Variants in SYT14 observed in about 807,000 individuals in gnomAD.
SYT14 encodes synaptotagmin 14.
A neutral mutation model predicts 74.2 loss-of-function variants in SYT14; 32 were observed. The observed-to-expected ratio is 0.43, with a 90% CI of 0.33 to 0.58. The LOEUF is 0.58. Ranked by LOEUF, SYT14 falls within the 20% of genes least tolerant of loss-of-function variation. SYT14 has a pLI of 0.05. For missense variants in SYT14, 791 were observed against 981.8 expected (o/e 0.81, Z 2.60); for synonymous variants, 298 against 337.7 (o/e 0.88, Z 1.29).
intron 2 of SYT14, among the ~76,000 whole-genome samples, chr1:209,990,538 CGTATATATATGTATATATAT>C (rs1558114560): frequency 1.0e-4 from 4 of 40,072 alleles, no homozygotes; most frequent in Non-Finnish European, 1.8e-4. Context: ...TATATATATA[CGTATATATATGTATATATAT>C]ACGTATATAT....
rs1351759000 is a variant in SYT14 at position 209,938,272 on chromosome 1, T to C, written c.-539T>C. On this transcript the variant is annotated 5_prime_UTR_variant, in exon 1 of 10. Coordinates refer to ENST00000637265, the Ensembl canonical transcript of SYT14. ...GTCCATGGCGAGCGCATCATGGCGA[T>C]TGAAGGTAAGTGGAGGCTGACAGCG... 2.8e-5 allele frequency: 44 copies of C among 1,558,452 alleles called. No individual in the cohort carries two copies. Among genetic ancestry groups the C allele is most frequent in the Admixed American group, 1.4e-4 (8 of 55,934 alleles).
chr1:210,098,246 A>G (rs144653834), intron 6 of SYT14, among the ~76,000 whole-genome samples: 3 of 152,232 alleles, frequency 2.0e-5, no homozygotes, highest in African/African-American at 7.2e-5. Context: ...CTCCCGACCT[A>G]AAATAGGGGT....
At chr1:210,047,211 G>A (rs1190246732) in intron 5 of SYT14, among the ~76,000 whole-genome samples, 2 of 151,896 alleles carry the variant, frequency 1.3e-5, no homozygotes, top group Non-Finnish European at 2.9e-5. Flanking sequence ...GATAAAGGTG[G>A]CCTTATTCAT....
At chr1:210,097,105 C>G (rs1481133016) in intron 6 of SYT14, among the ~76,000 whole-genome samples, 1 of 152,188 alleles carries the variant, frequency 6.6e-6, no homozygotes, top group Non-Finnish European at 1.5e-5. Context: ...ATAGCAAATG[C>G]ACATTACAGA....
chr1:210,015,664 T>C (rs566651784), intron 3 of SYT14: 1 of 176,940 alleles, frequency 5.7e-6, no homozygotes, highest in African/African-American at 2.4e-5. Context: ...TAAAAATCCT[T>C]TTTATACTTC....
chr1:210,162,374 A>G, exon 10 of SYT14: 1 of 433,774 alleles, frequency 2.3e-6, no homozygotes, highest in Non-Finnish European at 4.6e-6. Context: ...TAAAAGTTGT[A>G]TAATGTGCTA....
chr1:210,031,251 G>A (rs846556), intron 5 of SYT14, among the ~76,000 whole-genome samples: 86,250 of 151,868 alleles, frequency 0.57, 26,577 homozygotes, highest in African/African-American at 0.81. Flanking sequence ...TTCATTTTCA[G>A]ATGTTGAACC....
At chr1:210,076,968 T>A (rs1398718949) in intron 5 of SYT14, among the ~76,000 whole-genome samples, 1 of 152,208 alleles carries the variant, frequency 6.6e-6, no homozygotes, top group Non-Finnish European at 1.5e-5. Flanking sequence ...TACTGGTTTC[T>A]TTCACTTAGC....
chr1:209,952,573 A>T, intron 1 of SYT14, 136 bp from the exon 2 acceptor site: 3 of 673,498 alleles, frequency 4.5e-6, no homozygotes, highest in Non-Finnish European at 7.8e-6. Context: ...ATATTCATTT[A>T]GTTAAGTATA....
At chr1:210,046,495 A>G (rs1416086599) in intron 5 of SYT14, among the ~76,000 whole-genome samples, 1 of 152,136 alleles carries the variant, frequency 6.6e-6, no homozygotes, top group Non-Finnish European at 1.5e-5. Context: ...TCCATTAGCC[A>G]TTCAGATCTG....
chr1:210,115,355 T>C (rs1572329444), intron 7 of SYT14, among the ~76,000 whole-genome samples: 1 of 147,572 alleles, frequency 6.8e-6, no homozygotes, highest in Admixed American at 6.7e-5. Flanking sequence ...GAGAGAAGGG[T>C]TGGGGGGTGC....
intron 2 of SYT14, among the ~76,000 whole-genome samples, chr1:209,979,521 T>G (rs2079441489): frequency 6.6e-6 from 1 of 152,058 alleles, no homozygotes; most frequent in South Asian, 2.1e-4. Context: ...TGTGCCATGG[T>G]GGCTTGCTGC....
chr1:210,009,153 C>A (rs1387591014), intron 2 of SYT14, among the ~76,000 whole-genome samples: 1 of 152,176 alleles, frequency 6.6e-6, no homozygotes, highest in Admixed American at 6.5e-5. Context: ...GTACAGTATT[C>A]ATATCTTTAG....
chr1:210,116,900 T>C (rs901984856), intron 7 of SYT14, among the ~76,000 whole-genome samples: 5 of 152,182 alleles, frequency 3.3e-5, no homozygotes, highest in Admixed American at 1.3e-4. Context: ...TCATATAATA[T>C]AATATTATTT....
exon 10 of SYT14, chr1:210,161,160 A>C (rs761333856): frequency 8.8e-7 from 1 of 1,140,484 alleles, no homozygotes; most frequent in Middle Eastern, 1.9e-4. Flanking sequence ...TCAACCTTCT[A>C]CCAAAATGCT....
At chr1:210,024,185 G>A (rs1388977628) in intron 5 of SYT14, among the ~76,000 whole-genome samples, 1 of 152,218 alleles carries the variant, frequency 6.6e-6, no homozygotes, top group Non-Finnish European at 1.5e-5. Context: ...TTGTTTGCCA[G>A]TGAGAATTTG....
chr1:210,115,109 G>C (rs2082333299), intron 7 of SYT14, among the ~76,000 whole-genome samples: 1 of 151,188 alleles, frequency 6.6e-6, no homozygotes, highest in Admixed American at 6.6e-5. Flanking sequence ...AGATCTTGTA[G>C]GATGGAAAAA....
chr1:209,986,325 G>A (rs903031984), intron 2 of SYT14, among the ~76,000 whole-genome samples: 1 of 152,140 alleles, frequency 6.6e-6, no homozygotes, highest in Non-Finnish European at 1.5e-5. Context: ...TCTGCCAGGG[G>A]CTGGGCGCGG....
intron 3 of SYT14, 35 bp downstream of exon 3, chr1:210,013,832 T>C: frequency 6.3e-7 from 1 of 1,597,536 alleles, no homozygotes; most frequent in Non-Finnish European, 8.5e-7. Context: ...TTGTTTGTTC[T>C]TTTTATCCGT....
Sources: gnomAD v4.1 joint callset for allele counts (sites outside exome capture counted in the v4.1 genomes callset) on GRCh38, gnomAD v4.1.1 for gene constraint, MANE v1.5 for transcripts, NCBI Gene and HGNC (gene_info 2026-07-23, HGNC 2026-07-21) for gene names.